The following CCDC180 variants were observed in gnomAD, a reference collection of about 807,000 sequenced individuals.
CCDC180 encodes the protein coiled-coil domain containing 180.
CCDC180 carries 154 observed loss-of-function variants against 209.2 expected under a neutral mutation model. The ratio of observed to expected loss-of-function variants is 0.74; its 90% confidence interval spans 0.65 to 0.84. CCDC180 has a LOEUF of 0.84. CCDC180 is among the 40% of genes least tolerant of loss of function. The pLI, the probability that CCDC180 is intolerant of heterozygous loss-of-function variation, is 0.00. For synonymous variants in CCDC180, 778 were observed against 749.1 expected (o/e 1.04, Z -0.63); for missense variants, 1,874 against 1,997.3 (o/e 0.94, Z 1.18).
At chr9:97,363,824 G>A in intron 28 of CCDC180, 1 of 580,822 alleles carries the variant, frequency 1.7e-6, no homozygotes, top group Non-Finnish European at 3.2e-6. Flanking sequence ...CAGCAGCTGT[G>A]GTTGGGTTTC....
chr9:97,354,599 T>A lies in CCDC180; in HGVS notation c.3033T>A (p.Pro1011=). ...TTTCAGAGGGAGGCAACTTTTCTCCTAAAGAAATCAATTCACTGTGTTCCC... is the reference window on the plus strand; with the variant it reads ...TTTCAGAGGGAGGCAACTTTTCTCCAAAAGAAATCAATTCACTGTGTTCCC... ...RLFSEGGNFS[P]KEINSLCSRL... Residue 1011 remains proline (P), a synonymous_variant, in exon 23 of 37, where the codon CCT becomes CCA. Transcript: ENST00000529487. The A allele has an allele frequency of 3.7e-6, 6 of 1,614,226 alleles. No homozygotes were observed. The highest frequency in any genetic ancestry group is 5.1e-6 in the Non-Finnish European group (6 of 1,180,034).
rs1181312078 is a variant in CCDC180 at position 97,330,572 on chromosome 9, G to A, written c.2079G>A (p.Leu693=). The A allele has an allele frequency of 3.1e-6, 5 of 1,614,118 alleles. No homozygotes were observed. The highest frequency in any genetic ancestry group is 4.2e-6 in the Non-Finnish European group (5 of 1,180,024). ...CCAAAGAAGGCTCTATTCAGGGACT[G>A]GAAGAAATGCAGGTTGAAAGAGAGG... ...DESKEGSIQG[L]EEMQVEREGS... Residue 693 remains leucine, a synonymous_variant, in exon 18 of 37, where the codon CTG becomes CTA. Transcript: ENST00000529487.
At chr9:97,374,437 G>A in intron 34 of CCDC180, 106 bp from the exon 35 acceptor site, 1 of 794,738 alleles carries the variant, frequency 1.3e-6, no homozygotes, top group Non-Finnish European at 2.0e-6. Context: ...CTCCAAGTGG[G>A]AGGAGGGGTG....
rs1833203724 is a variant in CCDC180 at position 97,317,173 on chromosome 9, G to A, written c.904G>A (p.Gly302Ser). 5.0e-6 allele frequency: 8 copies of A among 1,612,968 alleles called. No individual in the cohort carries two copies. Among genetic ancestry groups the A allele is most frequent in the Non-Finnish European group, 6.8e-6 (8 of 1,179,386 alleles). ...QELDSRHRWQ[G>S]LVDTWKALKK... ...GCTGGACAGCCGCCACCGCTGGCAA[G>A]GCTTGGTGGACACCTGGAAGGCTCT... is the stretch of plus-strand genomic sequence containing the variant. Residue 302 changes from glycine to serine, a missense_variant, in exon 9 of 37, where the codon GGC becomes AGC. Physicochemically the swap from Gly to Ser is moderately conservative, Grantham distance 56. Coordinates refer to ENST00000529487, the MANE Select transcript of CCDC180 (RefSeq NM_020893.6).
intron 24 of CCDC180, 57 bp from the exon 25 acceptor site, chr9:97,357,570 T>G: frequency 8.6e-7 from 1 of 1,156,128 alleles, no homozygotes; most frequent in South Asian, 1.3e-5. Context: ...CACAGAATGT[T>G]TCCCAGATCA....
chr9:97,331,919 A>G (rs1177585678), intron 18 of CCDC180, among the ~76,000 whole-genome samples: 3 of 152,128 alleles, frequency 2.0e-5, no homozygotes. Flanking sequence ...CCATTTGTCA[A>G]TGTTTGTTTT....
intron 34 of CCDC180, 76 bp from the exon 35 acceptor site, chr9:97,374,467 G>C: frequency 8.7e-7 from 1 of 1,147,262 alleles, no homozygotes; most frequent in Admixed American, 2.0e-5. Flanking sequence ...CCTTTTCTAA[G>C]TGTAATGCCA....
Position 97,320,143 on chromosome 9 carries a change from G to T in CCDC180, c.1097G>T (p.Ser366Ile), listed in dbSNP as rs759412388. The stretch of plus-strand genomic sequence containing the variant: ...CTTCCCAGTGACCTCCTGCCCCCCA[G>T]TTACAGCAAAACTCAGCTGACTGAG... Reference protein sequence around the residue: ...LCTICDLLPPSYSKTQLTEWH... With the variant: ...LCTICDLLPPIYSKTQLTEWH... Residue 366 changes from serine to isoleucine, a missense_variant, in exon 11 of 37, where the codon AGT becomes ATT. By Grantham distance (142) the Ser-to-Ile change is moderately radical. Coordinates refer to ENST00000529487, the MANE Select transcript of CCDC180 (RefSeq NM_020893.6). 2 of 1,613,978 alleles carry T rather than the reference G, an allele frequency of 1.2e-6. No homozygotes were observed. The highest frequency in any genetic ancestry group is 2.2e-5 in the South Asian group (2 of 91,080).
chr9:97,326,297 G>A (rs1833532357), intron 14 of CCDC180, among the ~76,000 whole-genome samples: 1 of 152,180 alleles, frequency 6.6e-6, no homozygotes, highest in African/African-American at 2.4e-5. Flanking sequence ...CTGTCTCCAG[G>A]GGGTCCCATC....
In CCDC180 at chr9:97,308,112, C is replaced by A; in HGVS notation, c.49C>A (p.Gln17Lys). The part of the protein sequence containing the change: ...VTQVPNGKAY[Q>K]QIFQAEVQLV... ...CCAGGTTCCGAATGGGAAAGCCTAC[C>A]AGCAGATCTTCCAGGCTGAGGTAGG... is the stretch of plus-strand genomic sequence containing the variant. Residue 17 changes from glutamine to lysine, a missense_variant, in exon 2 of 37, where the codon CAG becomes AAG. Transcript: ENST00000529487. 1 of 1,608,420 alleles carries A rather than the reference C, an allele frequency of 6.2e-7. No homozygotes were observed. The highest frequency in any genetic ancestry group is 8.5e-7 in the Non-Finnish European group (1 of 1,177,382).
chr9:97,374,556 C>G lies in CCDC180; in HGVS notation c.4614C>G (p.Pro1538=). 1 of 1,613,826 alleles carries G rather than the reference C, an allele frequency of 6.2e-7. No individual in the cohort carries two copies. The highest frequency in any genetic ancestry group is 8.5e-7 in the Non-Finnish European group (1 of 1,179,908). The stretch of plus-strand genomic sequence containing the variant: ...TTTTGCCTCTAGGGATGGAGCCCCC[C>G]AAACAGAAATTATCAATGCTCATAC... ...DDVQVARMEP[P]KQKLSMLIRR... The change falls in exon 35 of 37, where the codon CCC becomes CCG. Residue 1538 remains proline (P), a synonymous_variant. Coordinates refer to ENST00000529487, the MANE Select transcript of CCDC180 (RefSeq NM_020893.6).
chr9:97,358,418 G>A (rs927093757), intron 25 of CCDC180, among the ~76,000 whole-genome samples: 2 of 152,048 alleles, frequency 1.3e-5, no homozygotes, highest in Admixed American at 6.5e-5. Flanking sequence ...CATCGCATTC[G>A]GCCTCACTTG....
intron 18 of CCDC180, among the ~76,000 whole-genome samples, chr9:97,340,630 A>T (rs1826048373): frequency 6.6e-6 from 1 of 152,230 alleles, no homozygotes; most frequent in African/African-American, 2.4e-5. Context: ...TGACCAGAAG[A>T]CAAGATTGCA....
At chr9:97,314,354 TG>T in intron 5 of CCDC180, 38 bp from the exon 6 acceptor site, 1 of 1,612,414 alleles carries the variant, frequency 6.2e-7, no homozygotes, top group Non-Finnish European at 8.5e-7. Context: ...TTCCCAGGGG[TG>T]CTGATGCCTT....
intron 14 of CCDC180, among the ~76,000 whole-genome samples, chr9:97,325,722 G>A (rs892074796): frequency 2.0e-5 from 3 of 152,194 alleles, no homozygotes; most frequent in Admixed American, 2.0e-4. Context: ...ATCTGTGATG[G>A]CACATAGGTC....
intron 8 of CCDC180, among the ~76,000 whole-genome samples, chr9:97,316,056 G>C (rs1280407256): frequency 1.3e-5 from 2 of 152,138 alleles, no homozygotes; most frequent in Non-Finnish European, 2.9e-5. Context: ...AATAAAAGAG[G>C]GTCCAGCTGT....
rs773964237 is a variant in CCDC180 at position 97,317,226 on chromosome 9, C to G, written c.957C>G (p.Phe319Leu). The G allele has an allele frequency of 6.3e-7, 1 of 1,586,658 alleles. No homozygotes were observed. The highest frequency in any genetic ancestry group is 1.7e-5 in the Admixed American group (1 of 58,580). The change falls in exon 9 of 37, where the codon TTC becomes TTG. Residue 319 changes from phenylalanine to leucine, a missense_variant and splice_region_variant. Phe to Leu is a conservative substitution (Grantham distance 22). Transcript: ENST00000529487. ...AGAAGGAGGCCCTGCTGCAGAGTTT[C>G]AGGTCAGTGCCGCCCACACAGCTCC... Reference protein sequence around the residue: ...ALKKEALLQSFSEFMASESIH... With the variant: ...ALKKEALLQSLSEFMASESIH...
Position 97,323,765 on chromosome 9 carries a change from G to A in CCDC180, c.1249-16G>A. 1 of 1,555,402 alleles carries A rather than the reference G, an allele frequency of 6.4e-7. No individual in the cohort carries two copies. Among genetic ancestry groups the A allele is most frequent in the African/African-American group, 1.4e-5 (1 of 73,590 alleles). On this transcript the variant is annotated splice_polypyrimidine_tract_variant and intron_variant, in intron 12 of 36. Transcript: ENST00000529487. Reference sequence around the variant, plus strand: ...TCAGTCCTAAGCCAGGCTCTGCCTTGTCCCACACACTCCAGAAGCAGCTGC... The same window carrying A: ...TCAGTCCTAAGCCAGGCTCTGCCTTATCCCACACACTCCAGAAGCAGCTGC...
At position 97,330,561 on chromosome 9, in the gene CCDC180, A is replaced by C; in HGVS notation, c.2068A>C (p.Ile690Leu). Residue 690 changes from isoleucine to leucine, a missense_variant, in exon 18 of 37, where the codon ATT (isoleucine) becomes CTT (leucine). Transcript: ENST00000529487. ...GATGGATGAGTCCAAAGAAGGCTCT[A>C]TTCAGGGACTGGAAGAAATGCAGGT... Reference protein sequence around the residue: ...AKMDESKEGSIQGLEEMQVER... With the variant: ...AKMDESKEGSLQGLEEMQVER... 1 of 1,614,208 alleles carries C rather than the reference A, an allele frequency of 6.2e-7. No homozygotes were observed. Among genetic ancestry groups the C allele is most frequent in the Non-Finnish European group, 8.5e-7 (1 of 1,180,046 alleles).
Sources: gnomAD v4.1 joint callset for allele counts (sites outside exome capture counted in the v4.1 genomes callset) on GRCh38, gnomAD v4.1.1 for gene constraint, MANE v1.5 for transcripts, NCBI Gene and HGNC (gene_info 2026-07-23, HGNC 2026-07-21) for gene names.